Variants in EXT2 observed in about 807,000 individuals in gnomAD.
The protein encoded by EXT2 is exostosin glycosyltransferase 2.
EXT2 carries 53 observed loss-of-function variants against 81.6 expected under a neutral mutation model. That is an observed-to-expected ratio of 0.65 (90% confidence interval 0.52 to 0.82). The LOEUF (loss-of-function observed/expected upper bound fraction) is 0.82, where lower values mean the gene tolerates loss of function less well. Among genes scored for constraint, EXT2 ranks in the 40% least tolerant of loss-of-function variants. The probability of loss-of-function intolerance (pLI) is 0.00; values close to 1 mark genes in which losing one functional copy is unlikely to be tolerated. For missense variants in EXT2, 774 were observed against 910.2 expected (o/e 0.85, Z 1.93); for synonymous variants, 320 against 340.0 (o/e 0.94, Z 0.65).
At chr11:44,212,298 TATAAATAAATAAATAAATAA>T (rs55649714) in intron 10 of EXT2, among the ~76,000 whole-genome samples, 27 of 80,672 alleles carry the variant, frequency 3.3e-4, no homozygotes, top group Middle Eastern at 7.7e-3. Context: ...AAAATAAAAA[TATAAATAAATAAATAAATAA>T]ATAAATAAAT....
intron 2 of EXT2, 55 bp downstream of exon 2, chr11:44,108,303 G>C: frequency 6.4e-7 from 1 of 1,566,166 alleles, no homozygotes; most frequent in East Asian, 2.3e-5. Context: ...GGCCCTCAGG[G>C]AACTAAAGGG....
intron 8 of EXT2, among the ~76,000 whole-genome samples, chr11:44,183,800 CT>C (rs1955270017): frequency 3.9e-5 from 6 of 152,238 alleles, no homozygotes; most frequent in Admixed American, 3.3e-4. Context: ...ATCTGTCTGC[CT>C]GGCCTTCTTC....
chr11:44,228,899 C>T (rs893345357), intron 10 of EXT2, among the ~76,000 whole-genome samples: 6 of 151,958 alleles, frequency 3.9e-5, no homozygotes, highest in African/African-American at 1.5e-4. Context: ...AAGAAGAATC[C>T]CTAGGGAAAG....
chr11:44,178,840 A>G lies in EXT2; in HGVS notation c.1305+7098A>G, dbSNP rs372947074. 3.9e-5 allele frequency among the ~76,000 whole-genome samples: 6 copies of G among 152,136 alleles called. No individual in the cohort carries two copies. In the East Asian group the frequency reaches 9.6e-4, roughly 24 times the overall value. ...TATGGAATTTAGAAATTTTAGCTTG[A>G]ATTTAAGGTAAGTTTAAGCTTTTTG... is the stretch of plus-strand genomic sequence containing the variant. On this transcript the variant is annotated intron_variant, in intron 8 of 13. Transcript: ENST00000533608.
intron 10 of EXT2, among the ~76,000 whole-genome samples, chr11:44,231,392 T>C (rs1428597356): frequency 6.6e-6 from 1 of 152,230 alleles, no homozygotes; most frequent in Non-Finnish European, 1.5e-5. Context: ...TCAAGACTTA[T>C]GTTTTGGACG....
chr11:44,206,631 A>G (rs1317922165), intron 9 of EXT2, among the ~76,000 whole-genome samples, 162 bp from the exon 10 acceptor site: 1 of 152,190 alleles, frequency 6.6e-6, no homozygotes, highest in African/African-American at 2.4e-5. Flanking sequence ...TATAACAAAG[A>G]TGCATCTGTG....
chr11:44,168,921 C>T (rs1326257720), intron 7 of EXT2, among the ~76,000 whole-genome samples: 1 of 152,098 alleles, frequency 6.6e-6, no homozygotes, highest in East Asian at 1.9e-4. Flanking sequence ...TGAAAATTTA[C>T]TTTAAAAAAT....
At chr11:44,150,677 G>C (rs1336936823) in intron 7 of EXT2, among the ~76,000 whole-genome samples, 2 of 152,134 alleles carry the variant, frequency 1.3e-5, no homozygotes, top group Non-Finnish European at 2.9e-5. Flanking sequence ...CTGTTGCTGA[G>C]AAAATTGTGA....
At chr11:44,134,819 G>A (rs894502403) in intron 7 of EXT2, among the ~76,000 whole-genome samples, 1 of 152,178 alleles carries the variant, frequency 6.6e-6, no homozygotes, top group African/African-American at 2.4e-5. Flanking sequence ...ACTAGGAGGT[G>A]GAAGTCAGGA....
At chr11:44,119,177 C>CACATATACAT (rs1450746902) in intron 4 of EXT2, among the ~76,000 whole-genome samples, 1 of 42,786 alleles carries the variant, frequency 2.3e-5, no homozygotes, top group African/African-American at 8.7e-5. Context: ...TATACACATA[C>CACATATACAT]ACACACACAC....
At chr11:44,112,370 T>C (rs1470283064) in intron 3 of EXT2, among the ~76,000 whole-genome samples, 12 of 152,230 alleles carry the variant, frequency 7.9e-5, no homozygotes. Flanking sequence ...GATCATCATA[T>C]TAATACTTCT....
At chr11:44,147,379 C>T (rs1307416763) in intron 7 of EXT2, among the ~76,000 whole-genome samples, 1 of 152,176 alleles carries the variant, frequency 6.6e-6, no homozygotes, top group African/African-American at 2.4e-5. Context: ...ATTAAGGAGA[C>T]ACTATCTTAC....
At position 44,171,671 on chromosome 11, in the gene EXT2, C is replaced by G. The variant is rs1448103584; in HGVS notation, c.1234C>G (p.Gln412Glu). ...SIKAIALATL[Q>E]IINDRIYPYA... ...TAAAGCCATTGCCCTGGCCACCCTGCAGATTATCAATGACCGGATCTATCC... is the reference window on the plus strand; with the variant it reads ...TAAAGCCATTGCCCTGGCCACCCTGGAGATTATCAATGACCGGATCTATCC... The change falls in exon 8 of 14, where the codon CAG (glutamine) becomes GAG (glutamate). Residue 412 changes from glutamine to glutamate, a missense_variant. This residue lies in a region of EXT2 where 626 missense variants were observed against 670.5 expected (regional missense o/e 0.93). Transcript: ENST00000533608. 3.7e-6 allele frequency: 6 copies of G among 1,614,004 alleles called. No homozygotes were observed. Among genetic ancestry groups the G allele is most frequent in the Non-Finnish European group, 5.1e-6 (6 of 1,180,002 alleles).
At chr11:44,101,176 G>C (rs1953976536) in intron 1 of EXT2, among the ~76,000 whole-genome samples, 1 of 152,186 alleles carries the variant, frequency 6.6e-6, no homozygotes, top group South Asian at 2.1e-4. Flanking sequence ...CTATAAAGCT[G>C]GAGAGGAGAG....
At chr11:44,144,168 C>A in intron 7 of EXT2, 1 of 1,225,356 alleles carries the variant, frequency 8.2e-7, no homozygotes, top group Non-Finnish European at 1.2e-6. Context: ...TCCTTTATAG[C>A]TAGTTGACCC....
At chr11:44,170,170 G>A (rs886241160) in intron 7 of EXT2, among the ~76,000 whole-genome samples, 1 of 152,040 alleles carries the variant, frequency 6.6e-6, no homozygotes. Flanking sequence ...CCACAGCGCA[G>A]TCAAAGTGCA....
rs557497455 is a variant in EXT2 at position 44,148,946 on chromosome 11, T to C, written c.1173+18808T>C. On this transcript the variant is annotated intron_variant, in intron 7 of 13. Transcript: ENST00000533608. ...TTTACACTGAGGTAAATACATTTTT[T>C]TGGGAAATTCCTGTGTTGAAGATTG... 2.0e-4 allele frequency among the ~76,000 whole-genome samples: 30 copies of C among 152,340 alleles called. No homozygotes were observed. The South Asian group carries it at 6.0e-3, about 31-fold the overall frequency.
intron 5 of EXT2, 64 bp from the exon 6 acceptor site, chr11:44,126,752 G>A (rs1954410425): frequency 6.2e-7 from 1 of 1,609,754 alleles, no homozygotes; most frequent in Non-Finnish European, 8.5e-7. Context: ...GTGGTCTGTA[G>A]GGATCAAAGT....
At chr11:44,103,848 AG>A (rs1283612734) in intron 1 of EXT2, 2 of 209,864 alleles carry the variant, frequency 9.5e-6, no homozygotes, top group Non-Finnish European at 1.9e-5. Flanking sequence ...TGCAGCATTT[AG>A]AGTTATGTTC....
Sources: allele counts gnomAD v4.1 joint callset (sites outside exome capture counted in the v4.1 genomes callset), GRCh38; gene constraint gnomAD v4.1.1; regional missense constraint gnomAD v4.1.1; transcripts MANE v1.5; gene names NCBI Gene and HGNC (gene_info 2026-07-23, HGNC 2026-07-21).